PSPC1: variants seen among roughly 807,000 people sequenced by gnomAD.
PSPC1 encodes paraspeckle protein 1.
PSPC1 carries 14 observed loss-of-function variants against 51.6 expected under a neutral mutation model. The ratio of observed to expected loss-of-function variants is 0.27; its 90% CI spans 0.18 to 0.42. The LOEUF (loss-of-function observed/expected upper bound fraction) is 0.42. PSPC1 is among the 10% of genes least tolerant of loss of function. The probability of loss-of-function intolerance (pLI) is 1.00; values close to 1 mark genes in which losing one functional copy is unlikely to be tolerated. For synonymous variants in PSPC1, 193 were observed against 231.9 expected (o/e 0.83, Z 1.53); for missense variants, 406 against 701.1 (o/e 0.58, Z 4.75).
chr13:19,754,130 G>C (rs1159299975), intron 3 of PSPC1, among the ~76,000 whole-genome samples: 1 of 151,666 alleles, frequency 6.6e-6, no homozygotes, highest in Non-Finnish European at 1.5e-5. Flanking sequence ...TGTAGCCCAG[G>C]CTGGAATGCA....
intron 1 of PSPC1, among the ~76,000 whole-genome samples, chr13:19,777,505 A>C (rs1237189226): frequency 6.6e-6 from 1 of 152,082 alleles, no homozygotes; most frequent in Non-Finnish European, 1.5e-5. Flanking sequence ...CTGATGTCCA[A>C]AAAATAAATA....
At position 19,744,854 on chromosome 13, in the gene PSPC1, C is replaced by T. The variant is rs186550465; in HGVS notation, c.968-3205G>A. 4.7e-3 allele frequency among the ~76,000 whole-genome samples: 713 copies of T among 152,250 alleles called. 5 individuals carry two copies. The highest frequency in any genetic ancestry group is 0.027 in the South Asian group (129 of 4,830). ...CTGGGATTAAAGGCGTGAGCCACCG[C>T]GCCCGGCCCAACTAGAGATGTCTTT... On this transcript the variant is annotated intron_variant, in intron 4 of 8. Transcript: ENST00000338910.
intron 6 of PSPC1, among the ~76,000 whole-genome samples, chr13:19,713,567 A>G (rs1000183141): frequency 3.3e-5 from 5 of 149,366 alleles, no homozygotes; most frequent in African/African-American, 1.2e-4. Context: ...AAAAAAAAAG[A>G]ATTCCAACAG....
chr13:19,678,942 T>A (rs992557084), intron 6 of PSPC1: 1 of 152,126 alleles, frequency 6.6e-6, no homozygotes, highest in African/African-American at 2.4e-5. Flanking sequence ...TTTGTAGAGA[T>A]GTGATTTTGC....
At chr13:19,750,826 A>G (rs943205932) in intron 4 of PSPC1, among the ~76,000 whole-genome samples, 5 of 151,930 alleles carry the variant, frequency 3.3e-5, no homozygotes, top group African/African-American at 4.8e-5. Context: ...CTGGAGCACA[A>G]TGATGCGATC....
intron 6 of PSPC1, among the ~76,000 whole-genome samples, chr13:19,683,383 A>G (rs766915912): frequency 3.3e-5 from 5 of 152,232 alleles, no homozygotes; most frequent in Admixed American, 3.3e-4. Flanking sequence ...TTTCAAAAAC[A>G]TTATGTGAAG....
At chr13:19,751,828 C>A (rs1463553475) in intron 3 of PSPC1, among the ~76,000 whole-genome samples, 2 of 152,226 alleles carry the variant, frequency 1.3e-5, no homozygotes, top group South Asian at 4.1e-4. Flanking sequence ...GAGGCCGAGG[C>A]GGGCAGATCA....
chr13:19,682,506 A>G (rs946556220), intron 6 of PSPC1, among the ~76,000 whole-genome samples: 4 of 137,078 alleles, frequency 2.9e-5, no homozygotes, highest in Admixed American at 7.5e-5. Flanking sequence ...AAAAAAAAAA[A>G]GCAGTATATA....
chr13:19,720,791 T>C (rs1424319792), intron 6 of PSPC1, among the ~76,000 whole-genome samples: 1 of 152,124 alleles, frequency 6.6e-6, no homozygotes, highest in Non-Finnish European at 1.5e-5. Context: ...TAGTGCACAA[T>C]ATAGTATAAG....
intron 6 of PSPC1, among the ~76,000 whole-genome samples, chr13:19,729,612 C>T (rs1299413951): frequency 6.8e-6 from 1 of 147,362 alleles, no homozygotes; most frequent in African/African-American, 2.5e-5. Context: ...CTGGATATAA[C>T]AGTCAATTCA....
At chr13:19,741,808 G>A (rs1352555326) in intron 4 of PSPC1, among the ~76,000 whole-genome samples, 159 bp from the exon 5 acceptor site, 3 of 152,110 alleles carry the variant, frequency 2.0e-5, no homozygotes, top group African/African-American at 4.8e-5. Context: ...TTCTGAGCAC[G>A]TTTCTTCACG....
chr13:19,744,574 CTTTTTTTT>C lies in PSPC1; in HGVS notation c.968-2933_968-2926del, dbSNP rs1176770298. ...AGATGTCTTTTTTTTTCTTTTTTTT[CTTTTTTTT>C]GAGACAGAGTCTCGCTTTGTTGCCC... On this transcript the variant is annotated intron_variant, in intron 4 of 8. Coordinates refer to ENST00000338910, the MANE Select transcript of PSPC1 (RefSeq NM_001354909.2). Among the ~76,000 whole-genome samples the C allele has an allele frequency of 5.2e-4, 76 of 147,476 alleles. 1 individual carries two copies. Among genetic ancestry groups the C allele is most frequent in the Admixed American group, 1.8e-3 (27 of 14,810 alleles).
At chr13:19,772,845 A>T (rs564232078) in intron 1 of PSPC1, among the ~76,000 whole-genome samples, 75 of 152,296 alleles carry the variant, frequency 4.9e-4, no homozygotes, top group African/African-American at 1.7e-3. Context: ...AATCTCCTAC[A>T]TATATTAAGA....
At chr13:19,775,306 A>G (rs1889004406) in intron 1 of PSPC1, among the ~76,000 whole-genome samples, 1 of 152,096 alleles carries the variant, frequency 6.6e-6, no homozygotes, top group Non-Finnish European at 1.5e-5. Flanking sequence ...GGGCTGAGAC[A>G]GTGCCACTAC....
chr13:19,711,452 C>T (rs1279098793), intron 6 of PSPC1, among the ~76,000 whole-genome samples: 1 of 151,724 alleles, frequency 6.6e-6, no homozygotes, highest in Non-Finnish European at 1.5e-5. Flanking sequence ...CTGGCTAACA[C>T]GGTGAAACCC....
At chr13:19,694,610 T>C (rs1209943435) in intron 6 of PSPC1, among the ~76,000 whole-genome samples, 1 of 152,244 alleles carries the variant, frequency 6.6e-6, no homozygotes. Context: ...GATACAAAAG[T>C]AGATTAATAT....
downstream of PSPC1, chr13:19,673,287 GT>G (rs1222144468): frequency 5.5e-6 from 2 of 364,150 alleles, no homozygotes; most frequent in African/African-American, 4.3e-5. Flanking sequence ...GTTGAAAATT[GT>G]TTTGTTCCTC....
intron 1 of PSPC1, among the ~76,000 whole-genome samples, chr13:19,776,283 A>C (rs1347305121): frequency 6.6e-6 from 1 of 152,020 alleles, no homozygotes; most frequent in Non-Finnish European, 1.5e-5. Context: ...CAACATAATG[A>C]GAGAGACCTT....
intron 6 of PSPC1, among the ~76,000 whole-genome samples, chr13:19,721,060 T>A (rs1191467270): frequency 6.6e-6 from 1 of 152,138 alleles, no homozygotes; most frequent in Non-Finnish European, 1.5e-5. Context: ...TTAGTTTTAG[T>A]ACAAAATTCT....
Sources: gnomAD v4.1 joint callset for allele counts (sites outside exome capture counted in the v4.1 genomes callset) on GRCh38, gnomAD v4.1.1 for gene constraint, MANE v1.5 for transcripts, NCBI Gene and HGNC (gene_info 2026-07-23, HGNC 2026-07-21) for gene names.